The following NXPE2 variants were observed in gnomAD, a reference collection of about 807,000 sequenced individuals.
The protein encoded by NXPE2 is NXPE family member 2.
A neutral mutation model predicts 34.4 loss-of-function variants in NXPE2; 34 were observed. That is an observed-to-expected ratio of 0.99 (90% CI 0.75 to 1.31). The LOEUF (loss-of-function observed/expected upper bound fraction) is 1.31. Among genes scored for constraint, NXPE2 ranks in the 40% most tolerant of loss-of-function variants. NXPE2 has a pLI of 0.00. For missense variants in NXPE2, 649 were observed against 672.5 expected (o/e 0.97, Z 0.39); for synonymous variants, 235 against 231.3 (o/e 1.02, Z -0.15).
chr11:114,730,500 C>T, the NXPE2 span, among the ~76,000 whole-genome samples: 4 of 152,138 alleles, frequency 2.6e-5, no homozygotes, highest in African/African-American at 4.8e-5. Context: ...GCAGTATGGC[C>T]ATTTTAACAA....
At chr11:114,530,525 A>G in the NXPE2 span, 256,551 of 1,613,966 alleles carry the variant, frequency 0.16, 27,828 homozygotes, top group African/African-American at 0.53. Context: ...GGTAGGTGCC[A>G]TTGTTGAAGT....
At chr11:114,582,720 T>A in the NXPE2 span, 1 of 1,614,150 alleles carries the variant, frequency 6.2e-7, no homozygotes, top group Middle Eastern at 1.7e-4. Context: ...ATCCCCGCCA[T>A]ATTGCTTCCT....
the NXPE2 span, among the ~76,000 whole-genome samples, chr11:114,607,373 GATA>G: frequency 6.6e-6 from 1 of 151,674 alleles, no homozygotes; most frequent in African/African-American, 2.4e-5. Context: ...TTATCCGGTG[GATA>G]ATAAGTGTTG....
the NXPE2 span, among the ~76,000 whole-genome samples, chr11:114,744,735 A>G: frequency 6.6e-6 from 1 of 152,174 alleles, no homozygotes; most frequent in Non-Finnish European, 1.5e-5. Context: ...TCTTGAGCCC[A>G]GGAGGTTGAG....
chr11:114,705,811 T>C lies in NXPE2; in HGVS notation c.959T>C (p.Ile320Thr). 2 of 1,510,708 alleles carry C rather than the reference T, an allele frequency of 1.3e-6. No individual in the cohort carries two copies. The highest frequency in any genetic ancestry group is 1.8e-6 in the Non-Finnish European group (2 of 1,129,590). The allele number at this position is 1,510,708 out of a possible 1,614,324, so 93.6% of individuals were successfully genotyped here. Residue 320 changes from isoleucine (I) to threonine (T), a missense_variant, in exon 5 of 6, where the codon ATT becomes ACT. Coordinates refer to ENST00000389586, the MANE Select transcript of NXPE2 (RefSeq NM_182495.6). ...KSENIKKNCQ[I>T]GMKTPFPSGY... ...GAGAACATAAAAAAGAACTGCCAGA[T>C]TGGAATGAAGACTCCTTTCCCCAGT...
At chr11:114,596,246 A>G in the NXPE2 span, among the ~76,000 whole-genome samples, 2 of 152,212 alleles carry the variant, frequency 1.3e-5, no homozygotes, top group African/African-American at 4.8e-5. Context: ...TGCATCTGAG[A>G]CTAACAGAGT....
chr11:114,741,444 GTAATGC>G, the NXPE2 span, among the ~76,000 whole-genome samples: 1 of 151,848 alleles, frequency 6.6e-6, no homozygotes, highest in African/African-American at 2.4e-5. Flanking sequence ...TGAGAGCACT[GTAATGC>G]TAATGTGAGC....
chr11:114,611,971 G>A, the NXPE2 span, among the ~76,000 whole-genome samples: 11 of 151,864 alleles, frequency 7.2e-5, no homozygotes, highest in Admixed American at 2.0e-4. Context: ...GTATTGCCTC[G>A]TGGGTAACCA....
the NXPE2 span, among the ~76,000 whole-genome samples, chr11:114,662,183 C>A: frequency 2.0e-5 from 3 of 152,106 alleles, no homozygotes; most frequent in African/African-American, 7.2e-5. Context: ...CCACCATCAA[C>A]CCCCAGCATT....
chr11:114,502,708 A>T, the NXPE2 span, among the ~76,000 whole-genome samples: 1 of 152,194 alleles, frequency 6.6e-6, no homozygotes, highest in East Asian at 1.9e-4. Flanking sequence ...TTGGAGATCT[A>T]ATTCCATGAA....
the NXPE2 span, among the ~76,000 whole-genome samples, chr11:114,557,059 A>G: frequency 1.3e-5 from 2 of 151,640 alleles, no homozygotes; most frequent in Non-Finnish European, 2.9e-5. Context: ...CACCTGGCCA[A>G]TTTTTTGTAG....
chr11:114,663,395 G>A, the NXPE2 span, among the ~76,000 whole-genome samples: 1 of 152,116 alleles, frequency 6.6e-6, no homozygotes, highest in Non-Finnish European at 1.5e-5. Flanking sequence ...CTAAATGGTT[G>A]CAGGTAACAA....
chr11:114,627,256 A>G, the NXPE2 span, among the ~76,000 whole-genome samples: 38,428 of 150,354 alleles, frequency 0.26, 5,494 homozygotes, highest in Middle Eastern at 0.38. Flanking sequence ...AAAATGTTAA[A>G]GGCAGCCAGA....
the NXPE2 span, among the ~76,000 whole-genome samples, chr11:114,486,890 TTACAA>T: frequency 6.6e-6 from 1 of 152,208 alleles, no homozygotes; most frequent in Non-Finnish European, 1.5e-5. Context: ...GCTGTCTTGT[TTACAA>T]TACGTCTGTA....
the NXPE2 span, among the ~76,000 whole-genome samples, chr11:114,782,127 C>G: frequency 1.3e-5 from 2 of 152,158 alleles, no homozygotes; most frequent in East Asian, 3.8e-4. Flanking sequence ...CTGTTATCCT[C>G]TAATGTTTTG....
chr11:114,600,342 C>A, the NXPE2 span, among the ~76,000 whole-genome samples: 2 of 152,038 alleles, frequency 1.3e-5, no homozygotes, highest in Non-Finnish European at 2.9e-5. Flanking sequence ...TAAAAGTCTT[C>A]TCAAATTGAA....
chr11:114,535,809 T>C, the NXPE2 span, among the ~76,000 whole-genome samples: 1 of 152,104 alleles, frequency 6.6e-6, no homozygotes, highest in African/African-American at 2.4e-5. Flanking sequence ...ACAAAGAGAC[T>C]TAGACTCCGA....
chr11:114,622,966 T>C, the NXPE2 span, among the ~76,000 whole-genome samples: 1 of 150,598 alleles, frequency 6.6e-6, no homozygotes, highest in East Asian at 2.0e-4. Flanking sequence ...TTGGGTAATA[T>C]GTATTGCCTC....
At chr11:114,534,478 AACT>A in the NXPE2 span, among the ~76,000 whole-genome samples, 2 of 152,204 alleles carry the variant, frequency 1.3e-5, no homozygotes, top group African/African-American at 4.8e-5. Context: ...CAGAAGATCA[AACT>A]ACTCTGAGCT....
Sources: allele counts gnomAD v4.1 joint callset (sites outside exome capture counted in the v4.1 genomes callset), GRCh38; gene constraint gnomAD v4.1.1; transcripts MANE v1.5; gene names NCBI Gene and HGNC (gene_info 2026-07-23, HGNC 2026-07-21).